WNK3: variants seen among roughly 807,000 people sequenced by gnomAD.
WNK3 encodes the protein serine/threonine-protein kinase WNK3.
A neutral mutation model predicts 116.7 loss-of-function variants in WNK3; 18 were observed. That is an observed-to-expected ratio of 0.15 (90% CI 0.11 to 0.23). The LOEUF is 0.23. Ranked by LOEUF, WNK3 falls within the 10% of genes least tolerant of loss-of-function variation. The pLI is 1.00. For synonymous variants in WNK3, 404 were observed against 469.4 expected, an observed-to-expected ratio of 0.86 and a Z score of 1.80; for missense variants, 993 against 1,323.8, an observed-to-expected ratio of 0.75 and a Z score of 3.88.
chrX:54,321,238 C>T (rs1557172173), intron 2 of WNK3, among the ~76,000 whole-genome samples: 1 of 111,730 alleles, frequency 9.0e-6, no homozygotes, highest in Non-Finnish European at 1.9e-5. Flanking sequence ...ACACAGTTTC[C>T]ATTATGTTAC....
chrX:54,209,447 A>G (rs1230318529), intron 22 of WNK3, among the ~76,000 whole-genome samples: 2 of 106,882 alleles, frequency 1.9e-5, no homozygotes, highest in Non-Finnish European at 3.8e-5. Context: ...AAATAAATAA[A>G]TAAATAAATA....
chrX:54,225,439 G>C (rs1330359575), intron 22 of WNK3, among the ~76,000 whole-genome samples: 1 of 108,443 alleles, frequency 9.2e-6, no homozygotes, highest in Non-Finnish European at 1.9e-5. Context: ...TGGCCAACAT[G>C]GCAAAACCCT....
chrX:54,200,685 C>A (rs2146692695), intron 23 of WNK3, among the ~76,000 whole-genome samples: 1 of 111,541 alleles, frequency 9.0e-6, no homozygotes, highest in African/African-American at 3.3e-5. Flanking sequence ...ACACCATTTT[C>A]TACTCACCCT....
chrX:54,249,909 C>A, intron 16 of WNK3, 85 bp downstream of exon 16: 1 of 1,042,958 alleles, frequency 9.6e-7, no homozygotes. Context: ...CATAAAATTC[C>A]CATGGAAACC....
chrX:54,300,504 A>T (rs2068746715), intron 6 of WNK3, among the ~76,000 whole-genome samples: 1 of 111,803 alleles, frequency 8.9e-6, no homozygotes, highest in South Asian at 3.7e-4. Flanking sequence ...TTATGTAATT[A>T]CTAACTTGTT....
rs782149282 is a variant in WNK3 at position 54,285,232 on chromosome X, C to T, written c.2037+7656G>A. Among the ~76,000 whole-genome samples, 8 of 110,335 alleles carry T rather than the reference C, an allele frequency of 7.3e-5. No homozygotes were observed. In the East Asian group the frequency reaches 2.3e-3, roughly 32 times the overall value. ...GACCAGCCTGGGCAACATGGCAAGA[C>T]CCCGTCTCTATAAAAAAATCAAAAA... is the stretch of plus-strand genomic sequence containing the variant. On this transcript the variant is annotated intron_variant, in intron 10 of 23. Coordinates refer to ENST00000354646, the Ensembl canonical transcript of WNK3.
exon 24 of WNK3, chrX:54,196,658 G>A (rs967541622): frequency 8.9e-6 from 1 of 111,851 alleles, no homozygotes; most frequent in Non-Finnish European, 1.9e-5. Flanking sequence ...TGGAAGGTAA[G>A]TAATTTGAAC....
rs782035988 is a variant in WNK3, at chrX:54,270,332, C to T, written c.2038-10994G>A. 1.1e-3 allele frequency among the ~76,000 whole-genome samples: 121 copies of T among 109,026 alleles called. 1 individual carries two copies. The highest frequency in any genetic ancestry group is 2.0e-3 in the Non-Finnish European group (105 of 52,501). 94.7% of individuals were successfully genotyped at this position (109,026 alleles called of 115,157 possible). ...GTTGGTCAGGCTGGTCTTGAACTCC[C>T]GACCTCAGGCCCACCTCGGCCTCCC... On this transcript the variant is annotated intron_variant, in intron 10 of 23. Coordinates refer to ENST00000354646, the Ensembl canonical transcript of WNK3.
chrX:54,342,228 C>CTCCAT (rs1300571642), intron 1 of WNK3, among the ~76,000 whole-genome samples: 6 of 111,598 alleles, frequency 5.4e-5, no homozygotes, highest in Non-Finnish European at 1.1e-4. Context: ...CAACATTGCA[C>CTCCAT]TCCAGCCTGG....
At chrX:54,225,423 C>A (rs1557147575) in intron 22 of WNK3, among the ~76,000 whole-genome samples, 2 of 108,830 alleles carry the variant, frequency 1.8e-5, no homozygotes, top group Non-Finnish European at 3.8e-5. Flanking sequence ...GAGTTCAAGA[C>A]CAGCCTGGCC....
chrX:54,345,277 T>C (rs1315177565), intron 1 of WNK3, among the ~76,000 whole-genome samples: 1 of 76,943 alleles, frequency 1.3e-5, no homozygotes, highest in African/African-American at 4.9e-5. Context: ...ACAACAACTA[T>C]ATATATATGT....
exon 15 of WNK3, chrX:54,251,405 T>C (rs781999100): frequency 8.6e-7 from 1 of 1,168,195 alleles, no homozygotes; most frequent in South Asian, 1.9e-5. Flanking sequence ...TTACTGCTGG[T>C]TTGAGTAGAT....
chrX:54,266,995 T>C (rs1474163720), intron 10 of WNK3, among the ~76,000 whole-genome samples: 2 of 111,078 alleles, frequency 1.8e-5, no homozygotes, highest in African/African-American at 6.6e-5. Context: ...ATGCAGTGTT[T>C]GGCTTTCTGT....
chrX:54,317,676 G>A (rs1337825669), intron 2 of WNK3, among the ~76,000 whole-genome samples: 5 of 106,954 alleles, frequency 4.7e-5, no homozygotes, highest in African/African-American at 1.7e-4. Flanking sequence ...CTGTCGCCCA[G>A]GCTGGAGTGC....
intron 10 of WNK3, among the ~76,000 whole-genome samples, chrX:54,264,432 C>G (rs2068288551): frequency 9.1e-6 from 1 of 110,013 alleles, no homozygotes; most frequent in African/African-American, 3.3e-5. Flanking sequence ...TTCCAGAGTG[C>G]TGGGATTACA....
intron 10 of WNK3, among the ~76,000 whole-genome samples, chrX:54,279,969 A>G (rs1234312849): frequency 8.9e-6 from 1 of 112,695 alleles, no homozygotes; most frequent in East Asian, 2.8e-4. Context: ...ACTCAACATT[A>G]TACTAGAAGT....
intron 2 of WNK3, among the ~76,000 whole-genome samples, chrX:54,325,202 G>A (rs1330894388): frequency 4.5e-5 from 5 of 110,496 alleles, no homozygotes; most frequent in South Asian, 3.8e-4. Context: ...TGTTTGGTTC[G>A]GTTAACAGGC....
rs141367442 is a variant in WNK3 at position 54,255,867 on chromosome X, G to C, written c.2123C>G (p.Thr708Ser). 1.1e-4 allele frequency: 131 copies of C among 1,198,797 alleles called. No individual in the cohort carries two copies. The highest frequency in any genetic ancestry group is 1.3e-4 in the Non-Finnish European group (116 of 890,030). The change falls in exon 12 of 24, where the codon ACT (threonine) becomes AGT (serine). Residue 708 changes from threonine to serine, a missense_variant. Physicochemically the swap from Thr to Ser is moderately conservative, Grantham distance 58. Coordinates refer to ENST00000354646, the Ensembl canonical transcript of WNK3. ...AGGGCTACTGACGTTTTCCTTCGTA[G>C]TTGCCACATCTTGATTCAAGCTAGT...
chrX:54,222,321 TAGG>T (rs1160352878), intron 22 of WNK3, among the ~76,000 whole-genome samples: 15 of 109,843 alleles, frequency 1.4e-4, no homozygotes, highest in African/African-American at 4.6e-4. Context: ...GGAGGCTGGG[TAGG>T]AGGATTGCTT....
Sources: gnomAD v4.1 joint callset for allele counts (sites outside exome capture counted in the v4.1 genomes callset) on GRCh38, gnomAD v4.1.1 for gene constraint, MANE v1.5 for transcripts, NCBI Gene and HGNC (gene_info 2026-07-23, HGNC 2026-07-21) for gene names.